Variants in SLAIN2 observed in about 807,000 individuals in gnomAD.
The protein encoded by SLAIN2 is SLAIN motif-containing protein 2.
SLAIN2 carries 31 observed loss-of-function variants against 56.6 expected under a neutral mutation model. The observed-to-expected ratio is 0.55, with a 90% CI of 0.41 to 0.74. SLAIN2 has a LOEUF of 0.74. Among genes scored for constraint, SLAIN2 ranks in the 30% least tolerant of loss-of-function variants. The pLI, the probability that SLAIN2 is intolerant of heterozygous loss-of-function variation, is 0.00. For missense variants in SLAIN2, 777 were observed against 754.2 expected, an observed-to-expected ratio of 1.03 and a Z score of -0.35; for synonymous variants, 317 against 284.9, an observed-to-expected ratio of 1.11 and a Z score of -1.13.
At chr4:48,381,126 T>C (rs545354809) in intron 4 of SLAIN2, among the ~76,000 whole-genome samples, 52 of 152,316 alleles carry the variant, frequency 3.4e-4, no homozygotes, top group Non-Finnish European at 6.8e-4. Context: ...CTCTGTACTT[T>C]AGAACAAGTT....
At chr4:48,370,046 C>T in intron 2 of SLAIN2, 49 bp downstream of exon 2, 3 of 1,572,272 alleles carry the variant, frequency 1.9e-6, no homozygotes, top group Non-Finnish European at 2.6e-6. Flanking sequence ...TTTCTTTAGT[C>T]AAAAACCATA....
chr4:48,412,407 C>A lies in SLAIN2; in HGVS notation c.1361-7718C>A, dbSNP rs756131406. Among the ~76,000 whole-genome samples the A allele has an allele frequency of 7.4e-3, 470 of 63,132 alleles. 23 individuals carry two copies. The highest frequency in any genetic ancestry group is 0.024 in the African/African-American group (448 of 18,802). 41.4% of individuals were successfully genotyped at this position (63,132 alleles called of 152,430 possible). A position where few individuals can be genotyped will look rare whatever the true frequency, so the allele number is the denominator to read the frequency against. ...ACACACACACACACACACACACACA[C>A]ACACACACATTCCCTCTCTCTCTCT... is the stretch of plus-strand genomic sequence containing the variant. On this transcript the variant is annotated intron_variant, in intron 6 of 7. Transcript: ENST00000264313.
chr4:48,362,739 T>TC (rs59066751), intron 1 of SLAIN2, among the ~76,000 whole-genome samples: 2 of 138,022 alleles, frequency 1.4e-5, no homozygotes, highest in African/African-American at 5.7e-5. Context: ...TTTCTTTTTT[T>TC]TTTTTTTATT....
intron 1 of SLAIN2, among the ~76,000 whole-genome samples, chr4:48,364,683 G>A (rs1181642406): frequency 1.1e-4 from 14 of 122,824 alleles, no homozygotes; most frequent in South Asian, 3.2e-4. Flanking sequence ...AGATCGGCCC[G>A]GCCAACACAG....
chr4:48,401,666 GTGT>G (rs1243407722), intron 6 of SLAIN2, among the ~76,000 whole-genome samples: 3 of 152,138 alleles, frequency 2.0e-5, no homozygotes, highest in African/African-American at 7.2e-5. Context: ...CAGCCTGTAT[GTGT>G]CTTTGCATGT....
intron 1 of SLAIN2, among the ~76,000 whole-genome samples, chr4:48,356,992 A>G (rs542554280): frequency 3.9e-4 from 59 of 152,144 alleles, no homozygotes; most frequent in South Asian, 3.7e-3. Flanking sequence ...CCCTGCAACT[A>G]ATGTCACTTC....
chr4:48,393,978 C>G (rs1404125266), intron 6 of SLAIN2, among the ~76,000 whole-genome samples: 2 of 152,116 alleles, frequency 1.3e-5, no homozygotes, highest in Admixed American at 1.3e-4. Context: ...TAGCATGCTC[C>G]CCACTTGCAT....
chr4:48,356,042 CA>C (rs1448745598), intron 1 of SLAIN2, among the ~76,000 whole-genome samples: 1 of 152,024 alleles, frequency 6.6e-6, no homozygotes, highest in Non-Finnish European at 1.5e-5. Flanking sequence ...GCTTTATCAA[CA>C]GTATGAAAAA....
chr4:48,368,105 T>G (rs1349843231), intron 1 of SLAIN2, among the ~76,000 whole-genome samples: 2 of 140,954 alleles, frequency 1.4e-5, no homozygotes, highest in Non-Finnish European at 3.0e-5. Flanking sequence ...TGCAGTGGTG[T>G]GATTGTGATC....
At chr4:48,357,541 T>C (rs1715191723) in intron 1 of SLAIN2, among the ~76,000 whole-genome samples, 1 of 150,722 alleles carries the variant, frequency 6.6e-6, no homozygotes, top group Non-Finnish European at 1.5e-5. Flanking sequence ...GCCACCGTGC[T>C]CAGGTGACTT....
intron 2 of SLAIN2, among the ~76,000 whole-genome samples, chr4:48,371,109 G>GTT (rs71660447): frequency 2.5e-4 from 35 of 140,420 alleles, no homozygotes; most frequent in Non-Finnish European, 3.8e-4. Flanking sequence ...TTTTTGTTTT[G>GTT]TTTTTTTTTT....
rs1188785417 is a variant in SLAIN2, at chr4:48,369,951, G to A, written c.492G>A (p.Glu164=). The part of the protein sequence containing the change: ...QVLDYPSPDV[E]CAKKSLIHKL... ...TGGATTACCCAAGTCCTGATGTTGA[G>A]TGTGCTAAAAAATCTCTTATCCACA... Residue 164 remains glutamate (E), a synonymous_variant, in exon 2 of 8, where the codon GAG becomes GAA. Coordinates refer to ENST00000264313, the MANE Select transcript of SLAIN2 (RefSeq NM_020846.2). The A allele has an allele frequency of 7.4e-6, 12 of 1,613,676 alleles. No homozygotes were observed. Among genetic ancestry groups the A allele is most frequent in the Admixed American group, 5.0e-5 (3 of 60,006 alleles).
chr4:48,361,819 CAT>C (rs930981919), intron 1 of SLAIN2, among the ~76,000 whole-genome samples: 2 of 105,788 alleles, frequency 1.9e-5, no homozygotes, highest in Non-Finnish European at 4.8e-5. Context: ...TGTATTTTTT[CAT>C]ATGTCTTCTT....
chr4:48,347,393 G>A (rs1714898419), intron 1 of SLAIN2, among the ~76,000 whole-genome samples: 1 of 148,126 alleles, frequency 6.8e-6, no homozygotes, highest in South Asian at 2.2e-4. Flanking sequence ...CCACAGGCGC[G>A]TGACACCATG....
chr4:48,359,121 G>T (rs945803294), intron 1 of SLAIN2, among the ~76,000 whole-genome samples: 6 of 152,092 alleles, frequency 3.9e-5, no homozygotes, highest in African/African-American at 1.4e-4. Context: ...AATTTACTTT[G>T]GTATCCTCCC....
chr4:48,405,059 G>A (rs1361484064), intron 6 of SLAIN2, among the ~76,000 whole-genome samples: 4 of 152,080 alleles, frequency 2.6e-5, no homozygotes, highest in Non-Finnish European at 5.9e-5. Context: ...TAATAATTTA[G>A]GGATTAATAA....
In SLAIN2 at chr4:48,341,746, G is replaced by C; in HGVS notation, c.7G>C (p.Asp3His). MEDVNSNVNADQE... is the reference protein window; with the variant it reads MEHVNSNVNADQE... The stretch of plus-strand genomic sequence containing the variant: ...CGGCGGCGGCGGGGCCGGGATGGAG[G>C]ACGTTAACTCCAACGTGAACGCGGA... The change falls in exon 1 of 8, where the codon GAC becomes CAC. Residue 3 changes from aspartate to histidine, a missense_variant. Transcript: ENST00000264313. 1.3e-6 allele frequency: 2 copies of C among 1,532,572 alleles called. No homozygotes were observed. Among genetic ancestry groups the C allele is most frequent in the South Asian group, 1.2e-5 (1 of 82,058 alleles). 94.9% of individuals were successfully genotyped at this position (1,532,572 alleles called of 1,614,324 possible). A position where few individuals can be genotyped will look rare whatever the true frequency, so the allele number is the denominator to read the frequency against.
chr4:48,394,540 T>TC, intron 6 of SLAIN2: 1 of 1,504,290 alleles, frequency 6.6e-7, no homozygotes, highest in Non-Finnish European at 8.9e-7. Context: ...GTCTTGTACT[T>TC]CCAGGCAAAT....
chr4:48,380,213 G>A (rs970826163), intron 4 of SLAIN2, among the ~76,000 whole-genome samples: 1 of 151,460 alleles, frequency 6.6e-6, no homozygotes, highest in Non-Finnish European at 1.5e-5. Flanking sequence ...TTTTCTTTTC[G>A]GTTGCTCCCC....
Sources: gnomAD v4.1 joint callset for allele counts (sites outside exome capture counted in the v4.1 genomes callset) on GRCh38, gnomAD v4.1.1 for gene constraint, MANE v1.5 for transcripts, NCBI Gene and HGNC (gene_info 2026-07-23, HGNC 2026-07-21) for gene names.